NPHP1: variants seen among roughly 807,000 people sequenced by gnomAD.
NPHP1 encodes nephrocystin 1.
In NPHP1, 70 loss-of-function variants were observed where a neutral mutation model predicts 90.4. That is an observed-to-expected ratio of 0.77 (90% CI 0.64 to 0.95). The LOEUF (loss-of-function observed/expected upper bound fraction) is 0.95, where lower values mean the gene tolerates loss of function less well. Among genes scored for constraint, NPHP1 ranks in the 40% least tolerant of loss-of-function variants. The pLI, the probability that NPHP1 is intolerant of heterozygous loss-of-function variation, is 0.00. For missense variants in NPHP1, 764 were observed against 795.9 expected, an observed-to-expected ratio of 0.96 and a Z score of 0.48; for synonymous variants, 256 against 271.7, an observed-to-expected ratio of 0.94 and a Z score of 0.57.
At chr2:110,154,775 G>T (rs909831637) in intron 11 of NPHP1, among the ~76,000 whole-genome samples, 1 of 152,138 alleles carries the variant, frequency 6.6e-6, no homozygotes, top group Admixed American at 6.5e-5. Flanking sequence ...CTCAAGACAT[G>T]ACTTGGGTGC....
At position 110,148,045 on chromosome 2, in the gene NPHP1, T is replaced by G. The variant is rs1451621515; in HGVS notation, c.1159-19A>C. The G allele has an allele frequency of 2.0e-6, 3 of 1,472,160 alleles. No homozygotes were observed. Among genetic ancestry groups the G allele is most frequent in the Non-Finnish European group, 2.9e-6 (3 of 1,050,608 alleles). 91.2% of individuals were successfully genotyped at this position (1,472,160 alleles called of 1,614,324 possible). ...GAGTAACCTGAAATGATAAAGAAAT[T>G]AAAGTTATTGATAAAAATAAAAAAT... On this transcript the variant is annotated intron_variant, in intron 12 of 19. Transcript: ENST00000445609.
chr2:110,171,052 C>G (rs995114078), intron 4 of NPHP1, among the ~76,000 whole-genome samples: 5 of 152,006 alleles, frequency 3.3e-5, no homozygotes, highest in South Asian at 2.1e-4. Context: ...ATGTGGGGAA[C>G]AGATTAGAAG....
rs765568261 is a variant in NPHP1 at position 110,169,902 on chromosome 2, C to A, written c.426G>T (p.Glu142Asp). Reference protein sequence around the residue: ...EEEDAEEEEEEKEENESHKWS... With the variant: ...EEEDAEEEEEDKEENESHKWS... ...ATTTGTGAGATTCATTTTCCTCTTT[C>A]TCTTCCTCTTCCTCCTCTGCATCTT... The change falls in exon 5 of 20, where the codon GAG becomes GAT. Residue 142 changes from glutamate (E) to aspartate (D), a missense_variant. Coordinates refer to ENST00000445609, the MANE Select transcript of NPHP1 (RefSeq NM_001128178.3). The A allele has an allele frequency of 3.3e-5, 53 of 1,609,958 alleles. 1 individual carries two copies. The highest frequency in any genetic ancestry group is 1.7e-4 in the Middle Eastern group (1 of 6,058).
At position 110,125,619 on chromosome 2, in the gene NPHP1, T is replaced by A; in HGVS notation, c.1761+18A>T. The A allele has an allele frequency of 6.2e-7, 1 of 1,605,332 alleles. No individual in the cohort carries two copies. Among genetic ancestry groups the A allele is most frequent in the Non-Finnish European group, 8.5e-7 (1 of 1,172,050 alleles). The stretch of plus-strand genomic sequence containing the variant: ...GGTACTGCAAATATGGAGTTCAGTG[T>A]GGAGACTCATATTTTACCTTCTCTG... On this transcript the variant is annotated intron_variant, in intron 19 of 19. Transcript: ENST00000445609.
chr2:110,125,716 G>A, intron 18 of NPHP1, 35 bp from the exon 19 acceptor site: 1 of 1,569,790 alleles, frequency 6.4e-7, no homozygotes, highest in Non-Finnish European at 8.8e-7. Flanking sequence ...GTTAGTCCAA[G>A]TAGTAACAAG....
At chr2:110,200,486 C>T (rs748345770) in intron 2 of NPHP1, among the ~76,000 whole-genome samples, 10 of 151,932 alleles carry the variant, frequency 6.6e-5, no homozygotes, top group African/African-American at 9.7e-5. Context: ...TCGCTTGAAC[C>T]TGGGAGGTGC....
chr2:110,167,323 GT>G (rs929214185), intron 6 of NPHP1, among the ~76,000 whole-genome samples: 2 of 152,092 alleles, frequency 1.3e-5, no homozygotes, highest in Non-Finnish European at 2.9e-5. Flanking sequence ...ACCAACCCAG[GT>G]ATTAGAGGTT....
At chr2:110,178,339 T>C (rs751480859) in intron 4 of NPHP1, 84 bp downstream of exon 4, 36 of 1,282,180 alleles carry the variant, frequency 2.8e-5, no homozygotes, top group Non-Finnish European at 4.0e-5. Context: ...ATATCTATAC[T>C]GCTATATGTC....
chr2:110,156,132 C>T (rs1681870695), intron 11 of NPHP1, among the ~76,000 whole-genome samples: 2 of 149,526 alleles, frequency 1.3e-5, no homozygotes, highest in South Asian at 4.2e-4. Context: ...AGTGTAGTGA[C>T]ATGATCTCGG....
chr2:110,166,448 ATGAGCAACAGTTGAAAGT>A, intron 6 of NPHP1, among the ~76,000 whole-genome samples: 1 of 152,216 alleles, frequency 6.6e-6, no homozygotes, highest in African/African-American at 2.4e-5. Flanking sequence ...ATGCTGGTCA[ATGAGCAACAGTTGAAAGT>A]TTTTTTGTGT....
intron 16 of NPHP1, 90 bp downstream of exon 16, chr2:110,143,452 G>T: frequency 2.3e-6 from 2 of 876,166 alleles, no homozygotes; most frequent in South Asian, 1.4e-5. Context: ...AACAAAAGAT[G>T]ACTAAATATG....
At chr2:110,167,540 C>T (rs546841326) in intron 6 of NPHP1, among the ~76,000 whole-genome samples, 1 of 152,278 alleles carries the variant, frequency 6.6e-6, no homozygotes, top group South Asian at 2.1e-4. Context: ...ATGCCAGCCA[C>T]CCCCAACCAA....
chr2:110,161,425 G>A (rs964285572), intron 10 of NPHP1, among the ~76,000 whole-genome samples, 178 bp downstream of exon 10: 1 of 152,074 alleles, frequency 6.6e-6, no homozygotes, highest in Non-Finnish European at 1.5e-5. Context: ...ACAAGATAAA[G>A]TCAAGGTAGC....
chr2:110,175,919 T>C (rs1683479046), intron 4 of NPHP1, among the ~76,000 whole-genome samples: 1 of 152,100 alleles, frequency 6.6e-6, no homozygotes, highest in African/African-American at 2.4e-5. Flanking sequence ...GTGTATCAAT[T>C]TGAAAAACTT....
chr2:110,168,093 A>G (rs1445399121), intron 6 of NPHP1, among the ~76,000 whole-genome samples: 3 of 152,214 alleles, frequency 2.0e-5, no homozygotes, highest in African/African-American at 7.2e-5. Context: ...ACACATGTAT[A>G]GTATGTTCAC....
At chr2:110,164,137 T>C (rs1298011450) in intron 8 of NPHP1, 1 of 280,052 alleles carries the variant, frequency 3.6e-6, no homozygotes, top group Non-Finnish European at 6.8e-6. Context: ...CCCAAACTCA[T>C]GCAATCCTCC....
intron 4 of NPHP1, among the ~76,000 whole-genome samples, chr2:110,170,975 C>T (rs111737145): frequency 1.3e-5 from 2 of 152,044 alleles, no homozygotes; most frequent in African/African-American, 2.4e-5. Context: ...CCTTTAAAGT[C>T]GCCCCTAAAA....
chr2:110,178,461 C>T lies in NPHP1; in HGVS notation c.291G>A (p.Gln97=), dbSNP rs2104611813. ...CTCTGCTTATTGTCACAGCAAGGCCCTGCAGTTGTTGGGTAAGCTTGTCCA... is the reference window on the plus strand; with the variant it reads ...CTCTGCTTATTGTCACAGCAAGGCCTTGCAGTTGTTGGGTAAGCTTGTCCA... ...TLLDKLTQQL[Q]GLAVTISREN... The change falls in exon 4 of 20, where the codon CAG becomes CAA. Residue 97 remains glutamine, a synonymous_variant. Coordinates refer to ENST00000445609, the MANE Select transcript of NPHP1 (RefSeq NM_001128178.3). 1.2e-6 allele frequency: 2 copies of T among 1,613,920 alleles called. No homozygotes were observed. The highest frequency in any genetic ancestry group is 8.5e-7 in the Non-Finnish European group (1 of 1,179,866).
rs1054686251 is a variant in NPHP1 at position 110,168,434 on chromosome 2, G to C, written c.624+18C>G. 2 of 1,493,302 alleles carry C rather than the reference G, an allele frequency of 1.3e-6. No homozygotes were observed. The highest frequency in any genetic ancestry group is 1.7e-5 in the Admixed American group (1 of 59,636). 92.5% of individuals were successfully genotyped at this position (1,493,302 alleles called of 1,614,324 possible). A position where few individuals can be genotyped will look rare whatever the true frequency, so the allele number is the denominator to read the frequency against. On this transcript the variant is annotated intron_variant, in intron 6 of 19. Transcript: ENST00000445609. The stretch of plus-strand genomic sequence containing the variant: ...AAAAAAAAAGTCTTAGAAAAGGAAG[G>C]CATAAACCAAGACTAACCTCTAGGT...
Sources: gnomAD v4.1 joint callset for allele counts (sites outside exome capture counted in the v4.1 genomes callset) on GRCh38, gnomAD v4.1.1 for gene constraint, MANE v1.5 for transcripts, NCBI Gene and HGNC (gene_info 2026-07-23, HGNC 2026-07-21) for gene names.